Variants in VPS13A observed in about 807,000 individuals in gnomAD.
VPS13A encodes vacuolar protein sorting 13 homolog A.
Under a neutral mutation model 390.9 loss-of-function variants are expected in VPS13A, and 264 were observed. The observed-to-expected ratio is 0.68, with a 90% CI of 0.61 to 0.75. The LOEUF is 0.75. VPS13A is among the 30% of genes least tolerant of loss of function. The pLI is 0.00. For synonymous variants in VPS13A, 1,231 were observed against 1,227.1 expected (o/e 1.00, Z -0.07); for missense variants, 3,409 against 3,733.9 (o/e 0.91, Z 2.27).
rs1438911968 is a variant in VPS13A at position 77,420,411 on chromosome 9, G to A, written c.*4405G>A. The A allele has an allele frequency of 1.3e-5, 2 of 151,160 alleles. No homozygotes were observed. Among genetic ancestry groups the A allele is most frequent in the Non-Finnish European group, 3.0e-5 (2 of 67,780 alleles). The allele number at this position is 151,160 out of a possible 1,614,324, so 9.4% of individuals were successfully genotyped here. A position where few individuals can be genotyped will look rare whatever the true frequency, so the allele number is the denominator to read the frequency against. On this transcript the variant is annotated 3_prime_UTR_variant, in exon 72 of 72. Transcript: ENST00000360280. Reference sequence around the variant, plus strand: ...TTTCCTCTTTTGTAAATTTTTCCATGTCATTTAAAAAATTTTTTACTTTAG... The same window carrying A: ...TTTCCTCTTTTGTAAATTTTTCCATATCATTTAAAAAATTTTTTACTTTAG...
intron 46 of VPS13A, among the ~76,000 whole-genome samples, chr9:77,335,263 A>G (rs1356233730): frequency 6.6e-6 from 1 of 152,242 alleles, no homozygotes; most frequent in Admixed American, 6.5e-5. Context: ...TAATATTCAA[A>G]TATAAAGATT....
chr9:77,291,683 G>A (rs1173887022), intron 31 of VPS13A, among the ~76,000 whole-genome samples: 1 of 152,092 alleles, frequency 6.6e-6, no homozygotes, highest in African/African-American at 2.4e-5. Context: ...TTTCCTAGAT[G>A]TTAGAGGCTC....
intron 53 of VPS13A, among the ~76,000 whole-genome samples, chr9:77,352,764 C>T (rs1348109937): frequency 1.3e-5 from 2 of 152,022 alleles, no homozygotes; most frequent in African/African-American, 4.8e-5. Flanking sequence ...TAACAACTCA[C>T]AGTTTTTAAT....
In VPS13A at chr9:77,370,475, T is replaced by C. The variant is rs1235283082; in HGVS notation, c.8804T>C (p.Met2935Thr). Residue 2935 changes from methionine to threonine, a missense_variant, in exon 65 of 72, where the codon ATG becomes ACG. Physicochemically the swap from Met to Thr is moderately conservative, Grantham distance 81. This residue lies in a region of VPS13A where 318 missense variants were observed against 333.7 expected (regional missense o/e 0.95). Transcript: ENST00000360280. ...GCTATGGCTAAGGGGGTAGCAGCTA[T>C]GACCATGGATGAAGACTACCAACAG... ...TGAMAKGVAAMTMDEDYQQKR... is the reference protein window; with the variant it reads ...TGAMAKGVAATTMDEDYQQKR... 6.2e-7 allele frequency: 1 copy of C among 1,614,038 alleles called. No individual in the cohort carries two copies. Among genetic ancestry groups the C allele is most frequent in the Non-Finnish European group, 8.5e-7 (1 of 1,180,022 alleles).
At position 77,218,539 on chromosome 9, in the gene VPS13A, T is replaced by C. The variant is rs188233392; in HGVS notation, c.755-1415T>C. Among the ~76,000 whole-genome samples, 267 of 152,286 alleles carry C rather than the reference T, an allele frequency of 1.8e-3. 2 individuals are homozygous for C. Among genetic ancestry groups the C allele is most frequent in the African/African-American group, 5.8e-3 (243 of 41,562 alleles). On this transcript the variant is annotated intron_variant, in intron 10 of 71. Coordinates refer to ENST00000360280, the MANE Select transcript of VPS13A (RefSeq NM_033305.3). Reference sequence around the variant, plus strand: ...AGATATTTTCTCCCATTCTACAGTTTGATATTTTAATAATCTCTCCAGGTG... The same window carrying C: ...AGATATTTTCTCCCATTCTACAGTTCGATATTTTAATAATCTCTCCAGGTG...
At position 77,415,754 on chromosome 9, in the gene VPS13A, T is replaced by C. The variant is rs957328092; in HGVS notation, c.9475-202T>C. Among the ~76,000 whole-genome samples, 4 of 152,188 alleles carry C rather than the reference T, an allele frequency of 2.6e-5. No individual in the cohort carries two copies. In the South Asian group the frequency reaches 8.3e-4, roughly 31 times the overall value. Reference sequence around the variant, plus strand: ...GACCTTAGAAGAACTGCATTCCTACTATTAAACCAAGTACTATTGTCCCTG... The same window carrying C: ...GACCTTAGAAGAACTGCATTCCTACCATTAAACCAAGTACTATTGTCCCTG... On this transcript the variant is annotated intron_variant, in intron 71 of 71. Transcript: ENST00000360280.
intron 23 of VPS13A, among the ~76,000 whole-genome samples, chr9:77,269,652 A>G (rs1217449016): frequency 6.6e-6 from 1 of 152,214 alleles, no homozygotes; most frequent in African/African-American, 2.4e-5. Context: ...TTAACATGGT[A>G]TATCTCTCCA....
At chr9:77,255,840 A>G (rs1825406728) in intron 22 of VPS13A, among the ~76,000 whole-genome samples, 1 of 152,080 alleles carries the variant, frequency 6.6e-6, no homozygotes, top group South Asian at 2.1e-4. Flanking sequence ...TTGTAAAATG[A>G]GTAGTAATGT....
intron 7 of VPS13A, among the ~76,000 whole-genome samples, chr9:77,211,005 A>G (rs1405782396): frequency 6.6e-6 from 1 of 152,222 alleles, no homozygotes; most frequent in Non-Finnish European, 1.5e-5. Context: ...ATAAGCCTTG[A>G]AAAACAAAAA....
rs937553474 is a variant in VPS13A at position 77,369,491 on chromosome 9, A to T, written c.8667+79A>T. ...ATAATACTTTTCTATTGTTAAGTTGAGTTAATAAGTGCAAACAGATTTTGG... is the reference window on the plus strand; with the variant it reads ...ATAATACTTTTCTATTGTTAAGTTGTGTTAATAAGTGCAAACAGATTTTGG... On this transcript the variant is annotated intron_variant, in intron 63 of 71. Coordinates refer to ENST00000360280, the MANE Select transcript of VPS13A (RefSeq NM_033305.3). The T allele has an allele frequency of 3.1e-6, 3 of 973,382 alleles. No individual in the cohort carries two copies. The African/African-American group carries it at 4.8e-5, about 16-fold the overall frequency. The allele number at this position is 973,382 out of a possible 1,614,324, so 60.3% of individuals were successfully genotyped here.
intron 42 of VPS13A, among the ~76,000 whole-genome samples, chr9:77,319,949 A>G (rs768758868): frequency 3.8e-4 from 58 of 152,272 alleles, no homozygotes; most frequent in Non-Finnish European, 5.3e-4. Flanking sequence ...TTGTCTCATC[A>G]TGAGCCTTGC....
At chr9:77,322,950 C>A in intron 44 of VPS13A, 117 bp from the exon 45 acceptor site, 1 of 804,792 alleles carries the variant, frequency 1.2e-6, no homozygotes, top group Admixed American at 2.5e-5. Flanking sequence ...TCCAAAGACT[C>A]TAGTGACTAT....
At chr9:77,225,385 G>A (rs770042698) in intron 13 of VPS13A, among the ~76,000 whole-genome samples, 1 of 151,982 alleles carries the variant, frequency 6.6e-6, no homozygotes, top group Non-Finnish European at 1.5e-5. Flanking sequence ...TAAGTAGCTC[G>A]GACTACAGGC....
chr9:77,183,728 A>G (rs1824161959), intron 1 of VPS13A, among the ~76,000 whole-genome samples: 2 of 152,266 alleles, frequency 1.3e-5, no homozygotes, highest in African/African-American at 2.4e-5. Flanking sequence ...TTGTGCTTCT[A>G]CATGTTTACC....
chr9:77,306,126 C>G (rs1031869284), intron 34 of VPS13A, among the ~76,000 whole-genome samples: 1 of 151,880 alleles, frequency 6.6e-6, no homozygotes, highest in Non-Finnish European at 1.5e-5. Context: ...GGAATGAAAG[C>G]TTAAAAAAAA....
At chr9:77,362,631 A>G (rs1832206285) in intron 59 of VPS13A, among the ~76,000 whole-genome samples, 1 of 152,188 alleles carries the variant, frequency 6.6e-6, no homozygotes, top group African/African-American at 2.4e-5. Flanking sequence ...TTTAGAATCA[A>G]CTTGTCAGGT....
chr9:77,414,327 T>C (rs1835071381), intron 71 of VPS13A, among the ~76,000 whole-genome samples: 1 of 152,126 alleles, frequency 6.6e-6, no homozygotes, highest in South Asian at 2.1e-4. Context: ...TAGCAAAGAC[T>C]TGGAACCAAC....
chr9:77,200,090 T>A (rs1229917446), intron 2 of VPS13A, 102 bp downstream of exon 2: 4 of 1,160,218 alleles, frequency 3.4e-6, no homozygotes, highest in Non-Finnish European at 4.9e-6. Context: ...TTTGAGAAAG[T>A]TTTTTGTAAA....
At chr9:77,363,733 C>G (rs1230463435) in intron 59 of VPS13A, among the ~76,000 whole-genome samples, 2 of 152,168 alleles carry the variant, frequency 1.3e-5, no homozygotes, top group Admixed American at 1.3e-4. Flanking sequence ...CAATGACTTT[C>G]CTTTTAGTTG....
Sources: allele counts gnomAD v4.1 joint callset (sites outside exome capture counted in the v4.1 genomes callset), GRCh38; gene constraint gnomAD v4.1.1; regional missense constraint gnomAD v4.1.1; transcripts MANE v1.5; gene names NCBI Gene and HGNC (gene_info 2026-07-23, HGNC 2026-07-21).